IGSF10: variants seen among roughly 807,000 people sequenced by gnomAD.
IGSF10 encodes calvaria mechanical force protein 608.
A neutral mutation model predicts 128.2 loss-of-function variants in IGSF10; 126 were observed. The ratio of observed to expected loss-of-function variants is 0.98; its 90% CI spans 0.85 to 1.14. The LOEUF (loss-of-function observed/expected upper bound fraction) is 1.14, where lower values mean the gene tolerates loss of function less well. Among genes scored for constraint, IGSF10 ranks in the 50% most tolerant of loss-of-function variants. The pLI is 0.00. For missense variants in IGSF10, 3,295 were observed against 3,149.8 expected (o/e 1.05, Z -1.10); for synonymous variants, 1,185 against 1,146.2 (o/e 1.03, Z -0.68).
chr3:151,436,188 A>C (rs1720169061), downstream of IGSF10: 1 of 153,232 alleles, frequency 6.5e-6, no homozygotes, highest in African/African-American at 2.4e-5. Context: ...GAATCATAAG[A>C]CAGTTCAGTG....
At chr3:151,577,967 T>A in the IGSF10 span, among the ~76,000 whole-genome samples, 1 of 152,176 alleles carries the variant, frequency 6.6e-6, no homozygotes, top group Non-Finnish European at 1.5e-5. Flanking sequence ...AAATAGCCCA[T>A]CCTCTGCAAG....
chr3:151,558,644 G>T, the IGSF10 span, among the ~76,000 whole-genome samples: 1 of 151,998 alleles, frequency 6.6e-6, no homozygotes, highest in Non-Finnish European at 1.5e-5. Flanking sequence ...CTCCCGAGTA[G>T]CTGGGACTAT....
the IGSF10 span, among the ~76,000 whole-genome samples, chr3:151,619,430 A>G: frequency 6.9e-6 from 1 of 144,238 alleles, no homozygotes; most frequent in African/African-American, 2.6e-5. Flanking sequence ...ATTACTTTTA[A>G]TGTGTGTGTG....
chr3:151,568,726 T>C, the IGSF10 span, among the ~76,000 whole-genome samples: 36 of 152,252 alleles, frequency 2.4e-4, no homozygotes, highest in South Asian at 5.2e-3. Context: ...ATCCTAGCAA[T>C]TTTGACTTCC....
At chr3:151,617,132 TCTC>T in the IGSF10 span, among the ~76,000 whole-genome samples, 1 of 152,010 alleles carries the variant, frequency 6.6e-6, no homozygotes, top group African/African-American at 2.4e-5. Flanking sequence ...ACTTTCTTCT[TCTC>T]CTCTTCTTCT....
the IGSF10 span, among the ~76,000 whole-genome samples, chr3:151,582,302 G>GA: frequency 1.1e-5 from 1 of 95,124 alleles, no homozygotes; most frequent in African/African-American, 3.9e-5. Context: ...CGGGGGGGGG[G>GA]GCGGGAAGCA....
At chr3:151,508,842 C>T in the IGSF10 span, among the ~76,000 whole-genome samples, 4 of 151,992 alleles carry the variant, frequency 2.6e-5, no homozygotes, top group Non-Finnish European at 4.4e-5. Flanking sequence ...TTTTAATGAA[C>T]GTTATTATAT....
the IGSF10 span, among the ~76,000 whole-genome samples, chr3:151,580,210 G>A: frequency 6.6e-6 from 1 of 151,990 alleles, no homozygotes; most frequent in African/African-American, 2.4e-5. Flanking sequence ...GCCAGATGTG[G>A]TCATCTCCAG....
At chr3:151,475,613 T>C in the IGSF10 span, among the ~76,000 whole-genome samples, 9 of 152,306 alleles carry the variant, frequency 5.9e-5, no homozygotes, top group African/African-American at 1.9e-4. Context: ...AGTCCAGCTG[T>C]TTCTGTACCT....
chr3:151,490,854 A>G, the IGSF10 span, among the ~76,000 whole-genome samples: 4 of 152,178 alleles, frequency 2.6e-5, no homozygotes, highest in African/African-American at 9.7e-5. Context: ...CAACATATCA[A>G]AACTTATGGA....
the IGSF10 span, among the ~76,000 whole-genome samples, chr3:151,586,748 G>C: frequency 6.6e-6 from 1 of 152,136 alleles, no homozygotes; most frequent in Non-Finnish European, 1.5e-5. Context: ...TTTCTGACCA[G>C]TAAAGTGCTT....
At chr3:151,527,938 G>A in the IGSF10 span, among the ~76,000 whole-genome samples, 4 of 146,078 alleles carry the variant, frequency 2.7e-5, no homozygotes, top group Admixed American at 2.8e-4. Context: ...GGGTGACAGA[G>A]CAAGATCCTG....
the IGSF10 span, among the ~76,000 whole-genome samples, chr3:151,613,896 G>A: frequency 8.5e-5 from 13 of 152,086 alleles, no homozygotes; most frequent in South Asian, 2.5e-3. Context: ...GCAACCTACA[G>A]AATGGGAGAA....
chr3:151,487,030 A>C, the IGSF10 span, among the ~76,000 whole-genome samples: 1 of 152,198 alleles, frequency 6.6e-6, no homozygotes, highest in Non-Finnish European at 1.5e-5. Flanking sequence ...TTCAAAAAAA[A>C]ATTAATGAAT....
the IGSF10 span, among the ~76,000 whole-genome samples, chr3:151,485,417 AT>A: frequency 6.6e-6 from 1 of 152,092 alleles, no homozygotes; most frequent in African/African-American, 2.4e-5. Flanking sequence ...ATCTAGCAAG[AT>A]GGCCAACATT....
the IGSF10 span, among the ~76,000 whole-genome samples, chr3:151,615,274 T>A: frequency 6.6e-6 from 1 of 152,266 alleles, no homozygotes; most frequent in African/African-American, 2.4e-5. Context: ...AAAATGATGG[T>A]GTGTTTTTTC....
At chr3:151,486,513 ATTC>A in the IGSF10 span, among the ~76,000 whole-genome samples, 1 of 152,206 alleles carries the variant, frequency 6.6e-6, no homozygotes, top group Non-Finnish European at 1.5e-5. Context: ...CAGAACACAC[ATTC>A]TTCTCAGCAC....
chr3:151,461,843 T>C (rs2108585061), upstream of IGSF10, among the ~76,000 whole-genome samples: 1 of 152,338 alleles, frequency 6.6e-6, no homozygotes, highest in South Asian at 2.1e-4. Flanking sequence ...TTTCTTTTGG[T>C]TTCTGGCTTA....
chr3:151,548,568 A>AT, the IGSF10 span, among the ~76,000 whole-genome samples: 1 of 152,224 alleles, frequency 6.6e-6, no homozygotes, highest in Non-Finnish European at 1.5e-5. Context: ...TTTTAAAAAC[A>AT]TTTTTGAAAG....
Sources: allele counts gnomAD v4.1 joint callset (sites outside exome capture counted in the v4.1 genomes callset), GRCh38; gene constraint gnomAD v4.1.1; transcripts MANE v1.5; gene names NCBI Gene and HGNC (gene_info 2026-07-23, HGNC 2026-07-21).